Variants in PRKAR1B observed in about 807,000 individuals in gnomAD.
The protein encoded by PRKAR1B is protein kinase cAMP-dependent type I regulatory subunit beta.
A neutral mutation model predicts 46.5 loss-of-function variants in PRKAR1B; 22 were observed. The ratio of observed to expected loss-of-function variants is 0.47; its 90% CI spans 0.34 to 0.68. The LOEUF is 0.68. Among genes scored for constraint, PRKAR1B ranks in the 30% least tolerant of loss-of-function variants. PRKAR1B has a pLI of 0.01. For synonymous variants in PRKAR1B, 259 were observed against 217.7 expected (o/e 1.19, Z -1.67); for missense variants, 445 against 535.6 (o/e 0.83, Z 1.67).
intron 4 of PRKAR1B, among the ~76,000 whole-genome samples, chr7:649,201 C>T (rs770244259): frequency 4.6e-5 from 7 of 152,190 alleles, no homozygotes; most frequent in Non-Finnish European, 1.0e-4. Flanking sequence ...AAGCTTTTAA[C>T]ATTTAGAATG....
chr7:595,385 G>C (rs1429054633), intron 7 of PRKAR1B, among the ~76,000 whole-genome samples: 1 of 152,148 alleles, frequency 6.6e-6, no homozygotes, highest in African/African-American at 2.4e-5. Context: ...CTTCTCCACA[G>C]GAATCACCCT....
At chr7:688,592 G>A (rs1339983676) in intron 2 of PRKAR1B, among the ~76,000 whole-genome samples, 5 of 151,980 alleles carry the variant, frequency 3.3e-5, no homozygotes, top group Non-Finnish European at 7.4e-5. Flanking sequence ...ACACACTTCC[G>A]CCTTTCACTT....
At chr7:565,641 T>C (rs1779083143) in intron 9 of PRKAR1B, 1 of 152,320 alleles carries the variant, frequency 6.6e-6, no homozygotes, top group African/African-American at 2.4e-5. Context: ...CTTGCCTGAA[T>C]TGCTATTTAA....
rs191244338 is a variant in PRKAR1B at position 620,697 on chromosome 7, G to A, written c.441-13245C>T. Among the ~76,000 whole-genome samples the A allele has an allele frequency of 6.4e-4, 98 of 152,326 alleles. 3 individuals are homozygous for A. Among genetic ancestry groups the A allele is most frequent in the Admixed American group, 5.6e-3 (86 of 15,308 alleles). ...GCTGAACACTCATAAGAATGTAAGAGTTGTTCTGTGTATTCTATGCTGGTT... is the reference window on the plus strand; with the variant it reads ...GCTGAACACTCATAAGAATGTAAGAATTGTTCTGTGTATTCTATGCTGGTT... On this transcript the variant is annotated intron_variant, in intron 4 of 10. Transcript: ENST00000537384.
intron 4 of PRKAR1B, among the ~76,000 whole-genome samples, chr7:621,427 A>T (rs1176150460): frequency 1.3e-5 from 2 of 152,236 alleles, no homozygotes. Flanking sequence ...TTTCCTTTGA[A>T]AAAAGAAAAT....
chr7:564,732 G>A, intron 9 of PRKAR1B, among the ~76,000 whole-genome samples: 1 of 152,204 alleles, frequency 6.6e-6, no homozygotes, highest in Non-Finnish European at 1.5e-5. Flanking sequence ...CAGGGGAGGG[G>A]GGATCGGCCG....
intron 9 of PRKAR1B, among the ~76,000 whole-genome samples, chr7:563,914 GGTGA>G (rs904713762): frequency 5.3e-4 from 80 of 152,210 alleles, no homozygotes; most frequent in African/African-American, 1.5e-3. Context: ...CGTGTGCATG[GGTGA>G]GTATGTGCGT....
At chr7:610,920 G>A (rs908096672) in intron 4 of PRKAR1B, among the ~76,000 whole-genome samples, 1 of 152,254 alleles carries the variant, frequency 6.6e-6, no homozygotes, top group Non-Finnish European at 1.5e-5. Flanking sequence ...ATCAGAGGCT[G>A]TGCTGGGTTC....
At chr7:579,412 G>A (rs945808559) in intron 8 of PRKAR1B, 35 bp from the exon 9 acceptor site, 2 of 1,608,740 alleles carry the variant, frequency 1.2e-6, no homozygotes, top group Admixed American at 1.7e-5. Flanking sequence ...TCATCCCGGG[G>A]CCCACGCCCC....
At chr7:723,675 C>T (rs1406896216) in intron 1 of PRKAR1B, among the ~76,000 whole-genome samples, 1 of 152,220 alleles carries the variant, frequency 6.6e-6, no homozygotes, top group African/African-American at 2.4e-5. Flanking sequence ...CCAAAGGGGT[C>T]CTTGAAAAAT....
intron 7 of PRKAR1B, among the ~76,000 whole-genome samples, chr7:592,487 C>T (rs1003726097): frequency 6.8e-6 from 1 of 147,906 alleles, no homozygotes. Context: ...CCGGCTGTGC[C>T]GAGTCACTCC....
chr7:581,308 A>G (rs1477166395), intron 8 of PRKAR1B, among the ~76,000 whole-genome samples: 1 of 64,684 alleles, frequency 1.5e-5, no homozygotes, highest in Non-Finnish European at 4.2e-5. Context: ...GTCTCAAAAA[A>G]AAAAAAAAAA....
intron 2 of PRKAR1B, among the ~76,000 whole-genome samples, chr7:697,457 C>T (rs1031008184): frequency 3.9e-5 from 6 of 152,166 alleles, no homozygotes; most frequent in Admixed American, 2.0e-4. Context: ...CTGATGCCTT[C>T]AACGGAGGGC....
intron 7 of PRKAR1B, among the ~76,000 whole-genome samples, chr7:588,292 G>A (rs1017105386): frequency 4.6e-5 from 7 of 152,280 alleles, no homozygotes; most frequent in African/African-American, 1.7e-4. Context: ...GACAAGTACA[G>A]GTTTGAATGT....
At chr7:636,978 T>C (rs1754476314) in intron 4 of PRKAR1B, among the ~76,000 whole-genome samples, 1 of 152,122 alleles carries the variant, frequency 6.6e-6, no homozygotes, top group African/African-American at 2.4e-5. Flanking sequence ...CAGGCCAAGC[T>C]CCAGGACCAG....
At chr7:558,117 C>G (rs796439312) in intron 9 of PRKAR1B, among the ~76,000 whole-genome samples, 1 of 151,098 alleles carries the variant, frequency 6.6e-6, no homozygotes, top group Non-Finnish European at 1.5e-5. Flanking sequence ...AGTTTGAGAC[C>G]AGCCTGGGCA....
In PRKAR1B at chr7:644,990, T is replaced by C. The variant is rs1437433943; in HGVS notation, c.440+32239A>G. On this transcript the variant is annotated intron_variant, in intron 4 of 10. Coordinates refer to ENST00000537384, the MANE Select transcript of PRKAR1B (RefSeq NM_001164760.2). The surrounding 1 kb of genome is among the most constrained non-coding windows in gnomAD (Gnocchi z 4.9). The stretch of plus-strand genomic sequence containing the variant: ...CGCAATGAGCCGTCTCTTCAGCCTC[T>C]ATAAATAAGGCGCAGTGTGGACGAG... Among the ~76,000 whole-genome samples the C allele has an allele frequency of 6.6e-6, 1 of 152,216 alleles. No homozygotes were observed. The highest frequency in any genetic ancestry group is 1.5e-5 in the Non-Finnish European group (1 of 68,032).
intron 2 of PRKAR1B, among the ~76,000 whole-genome samples, chr7:689,064 T>C (rs577414747): frequency 6.6e-6 from 1 of 152,322 alleles, no homozygotes; most frequent in Non-Finnish European, 1.5e-5. Flanking sequence ...CTCAGTATGT[T>C]TGAGGAAATA....
In PRKAR1B at chr7:549,935, CCTTGA is replaced by C. The variant is rs66461018; in HGVS notation, c.*490_*494del. The C allele has an allele frequency of 0.027, 4,359 of 159,614 alleles. 134 individuals carry two copies. Among genetic ancestry groups the C allele is most frequent in the East Asian group, 0.15 (790 of 5,236 alleles). The allele number at this position is 159,614 out of a possible 1,614,324, so 9.9% of individuals were successfully genotyped here. On this transcript the variant is annotated 3_prime_UTR_variant, in exon 11 of 11. Transcript: ENST00000537384. The stretch of plus-strand genomic sequence containing the variant: ...CAGGGGTACACATTTGCGGGAGGGG[CCTTGA>C]CTTCTTCGGCCTCAACTCCCTGCTC...
Sources: allele counts gnomAD v4.1 joint callset (sites outside exome capture counted in the v4.1 genomes callset), GRCh38; gene constraint gnomAD v4.1.1; non-coding constraint Gnocchi (gnomAD v3.1); transcripts MANE v1.5; gene names NCBI Gene and HGNC (gene_info 2026-07-23, HGNC 2026-07-21).